KATNIP: variants seen among roughly 807,000 people sequenced by gnomAD.
The protein encoded by KATNIP is katanin-interacting protein.
Under a neutral mutation model 174.0 loss-of-function variants are expected in KATNIP, and 126 were observed. That is an observed-to-expected ratio of 0.72 (90% CI 0.63 to 0.84). The LOEUF is 0.84. Among genes scored for constraint, KATNIP ranks in the 40% least tolerant of loss-of-function variants. KATNIP has a pLI of 0.00. For synonymous variants in KATNIP, 810 were observed against 835.7 expected, an observed-to-expected ratio of 0.97 and a Z score of 0.53; for missense variants, 1,958 against 2,109.7, an observed-to-expected ratio of 0.93 and a Z score of 1.41.
intron 11 of KATNIP, among the ~76,000 whole-genome samples, chr16:27,702,562 T>C (rs945156174): frequency 3.9e-5 from 6 of 152,212 alleles, no homozygotes; most frequent in African/African-American, 1.4e-4. Flanking sequence ...CTGTGCAAAG[T>C]GCCTGGCTGA....
Position 27,588,027 on chromosome 16 carries a change from G to C in KATNIP, c.63+14071G>C, listed in dbSNP as rs187206957. ...CACTTCAGCCTCCCAGGTGGCTGGG[G>C]ACTATGGGCATATGCCGCCATCTCC... On this transcript the variant is annotated intron_variant, in intron 2 of 27. Transcript: ENST00000261588. Among the ~76,000 whole-genome samples, 126 of 151,554 alleles carry C rather than the reference G, an allele frequency of 8.3e-4. 1 individual carries two copies. The highest frequency in any genetic ancestry group is 2.9e-3 in the African/African-American group (121 of 41,350).
rs1289365913 is a variant in KATNIP at position 27,697,575 on chromosome 16, ATATATATAATTATATAAAAAT to A, written c.941-738_941-718del. 2.0e-5 allele frequency among the ~76,000 whole-genome samples: 3 copies of A among 149,678 alleles called. No homozygotes were observed. The East Asian group carries it at 5.8e-4, about 29-fold the overall frequency. Reference sequence around the variant, plus strand: ...ATTGCTTTTGCTTTATATTCTATGTATATATATAATTATATAAAAATTATATATAATTATACAAAAATTATA... The same window carrying A: ...ATTGCTTTTGCTTTATATTCTATGTATATATATAATTATACAAAAATTATA... On this transcript the variant is annotated intron_variant, in intron 8 of 27. Transcript: ENST00000261588.
In KATNIP at chr16:27,681,324, A is replaced by G. The variant is rs1040341302; in HGVS notation, c.809-75A>G. On this transcript the variant is annotated intron_variant, in intron 7 of 27. Coordinates refer to ENST00000261588, the MANE Select transcript of KATNIP (RefSeq NM_015202.5). ...TGTTGAATGAGTAAGTGAATGAATG[A>G]TGAACAAATGCCTGAACAGAATGCC... 3.2e-6 allele frequency: 5 copies of G among 1,562,232 alleles called. No homozygotes were observed. In the East Asian group the frequency reaches 1.1e-4, roughly 35 times the overall value.
chr16:27,683,219 T>G lies in KATNIP; in HGVS notation c.940+1689T>G, dbSNP rs9930371. Among the ~76,000 whole-genome samples the G allele has an allele frequency of 7.9e-3, 1,197 of 152,320 alleles. 15 individuals are homozygous for G. Among genetic ancestry groups the G allele is most frequent in the African/African-American group, 0.028 (1,144 of 41,566 alleles). Reference sequence around the variant, plus strand: ...CCATGCAGTACCAAGACCCCTGTCCTAAGTCTCTGATCTGCATCCTGCTTC... The same window carrying G: ...CCATGCAGTACCAAGACCCCTGTCCGAAGTCTCTGATCTGCATCCTGCTTC... On this transcript the variant is annotated intron_variant, in intron 8 of 27. Coordinates refer to ENST00000261588, the MANE Select transcript of KATNIP (RefSeq NM_015202.5).
intron 14 of KATNIP, among the ~76,000 whole-genome samples, chr16:27,736,812 C>T (rs955346915): frequency 3.3e-5 from 5 of 152,136 alleles, no homozygotes; most frequent in African/African-American, 9.7e-5. Context: ...TTGGGGGAGA[C>T]AGCCCAGAGT....
Position 27,677,716 on chromosome 16 carries a change from G to T in KATNIP, c.541-13G>T. ...CATATTTATCTCTCATCTCTCTTCT[G>T]GGCTTTTTGCAGGAGCTGAGAAGAA... On this transcript the variant is annotated splice_polypyrimidine_tract_variant and intron_variant, in intron 6 of 27. Transcript: ENST00000261588. The T allele has an allele frequency of 6.3e-7, 1 of 1,597,196 alleles. No homozygotes were observed. Among genetic ancestry groups the T allele is most frequent in the South Asian group, 1.1e-5 (1 of 90,166 alleles).
chr16:27,732,002 C>T (rs562627389), intron 14 of KATNIP, among the ~76,000 whole-genome samples: 7 of 152,284 alleles, frequency 4.6e-5, no homozygotes, highest in East Asian at 1.9e-4. Context: ...CACATGTTAG[C>T]GCCGACCCGG....
intron 5 of KATNIP, chr16:27,632,713 C>T (rs1006531191): frequency 9.0e-6 from 4 of 444,216 alleles, no homozygotes; most frequent in Non-Finnish European, 1.8e-5. Context: ...TGGTTGATAC[C>T]AGTGGTGGAG....
At position 27,779,162 on chromosome 16, in the gene KATNIP, G is replaced by A. The variant is rs770676955; in HGVS notation, c.*533G>A. 19 of 152,854 alleles carry A rather than the reference G, an allele frequency of 1.2e-4. No homozygotes were observed. The highest frequency in any genetic ancestry group is 2.3e-4 in the Non-Finnish European group (16 of 68,518). The allele number at this position is 152,854 out of a possible 1,614,324, so 9.5% of individuals were successfully genotyped here. A position where few individuals can be genotyped will look rare whatever the true frequency, so the allele number is the denominator to read the frequency against. ...TCTCATTTGGGGACTGGTGGAGCTGGCTGAGAGGTTGGGGTAGTTTCCTGG... is the reference window on the plus strand; with the variant it reads ...TCTCATTTGGGGACTGGTGGAGCTGACTGAGAGGTTGGGGTAGTTTCCTGG... On this transcript the variant is annotated 3_prime_UTR_variant, in exon 28 of 28. Transcript: ENST00000261588.
chr16:27,680,988 C>A (rs111982939), intron 7 of KATNIP, among the ~76,000 whole-genome samples: 2 of 152,164 alleles, frequency 1.3e-5, no homozygotes, highest in African/African-American at 2.4e-5. Flanking sequence ...AGCCACTGTA[C>A]CCAGCCTATT....
At chr16:27,721,079 C>T (rs2080216649) in intron 13 of KATNIP, among the ~76,000 whole-genome samples, 1 of 152,182 alleles carries the variant, frequency 6.6e-6, no homozygotes, top group South Asian at 2.1e-4. Context: ...AGTGCCCTGG[C>T]CCTGGCCCAA....
chr16:27,723,380 C>T (rs953924647), intron 14 of KATNIP, among the ~76,000 whole-genome samples: 1 of 151,904 alleles, frequency 6.6e-6, no homozygotes, highest in Admixed American at 6.6e-5. Context: ...CCCTGTCCCC[C>T]CTCCACCCCC....
chr16:27,760,596 G>T (rs1005739700), intron 18 of KATNIP, among the ~76,000 whole-genome samples: 1 of 152,222 alleles, frequency 6.6e-6, no homozygotes, highest in African/African-American at 2.4e-5. Context: ...AGTTTCCAGC[G>T]CTGGGGCTTA....
chr16:27,767,638 C>CA (rs1325767967), intron 20 of KATNIP, among the ~76,000 whole-genome samples: 1 of 152,146 alleles, frequency 6.6e-6, no homozygotes, highest in Non-Finnish European at 1.5e-5. Flanking sequence ...CTCTTGAGCC[C>CA]AGGTTGAGGC....
chr16:27,588,658 C>A (rs1446874945), intron 2 of KATNIP, among the ~76,000 whole-genome samples: 1 of 151,848 alleles, frequency 6.6e-6, no homozygotes, highest in African/African-American at 2.4e-5. Context: ...GTAGTTTGTT[C>A]TTTATCATCA....
intron 20 of KATNIP, among the ~76,000 whole-genome samples, chr16:27,768,755 C>T (rs1337912760): frequency 6.6e-6 from 1 of 152,176 alleles, no homozygotes; most frequent in Non-Finnish European, 1.5e-5. Context: ...TGTCCTGTAA[C>T]TGACATAGAG....
At chr16:27,634,399 T>C (rs542408637) in intron 5 of KATNIP, among the ~76,000 whole-genome samples, 1 of 152,328 alleles carries the variant, frequency 6.6e-6, no homozygotes, top group East Asian at 1.9e-4. Flanking sequence ...GAGGGGACTC[T>C]GGGCTGGGCC....
chr16:27,701,003 C>A (rs145606298), intron 10 of KATNIP, among the ~76,000 whole-genome samples: 35 of 152,158 alleles, frequency 2.3e-4, no homozygotes, highest in African/African-American at 8.2e-4. Context: ...CAGCAGGGCA[C>A]ATTTTTAGCG....
intron 18 of KATNIP, among the ~76,000 whole-genome samples, chr16:27,758,963 G>C (rs1243430883): frequency 6.6e-6 from 1 of 152,194 alleles, no homozygotes; most frequent in Non-Finnish European, 1.5e-5. Flanking sequence ...GCCAAAAATA[G>C]GTTCTGGTAC....
Sources: gnomAD v4.1 joint callset for allele counts (sites outside exome capture counted in the v4.1 genomes callset) on GRCh38, gnomAD v4.1.1 for gene constraint, MANE v1.5 for transcripts, NCBI Gene and HGNC (gene_info 2026-07-23, HGNC 2026-07-21) for gene names.